STAT4: variants seen among roughly 807,000 people sequenced by gnomAD.
The protein encoded by STAT4 is signal transducer and activator of transcription 4.
A neutral mutation model predicts 110.5 loss-of-function variants in STAT4; 42 were observed. The observed-to-expected ratio is 0.38, with a 90% CI of 0.30 to 0.49. The LOEUF is 0.49. Among genes scored for constraint, STAT4 ranks in the 20% least tolerant of loss-of-function variants. STAT4 has a pLI of 0.95. For synonymous variants in STAT4, 284 were observed against 302.2 expected (o/e 0.94, Z 0.63); for missense variants, 632 against 887.9 (o/e 0.71, Z 3.66).
At chr2:191,072,994 C>T in intron 5 of STAT4, 104 bp downstream of exon 5, 1 of 766,770 alleles carries the variant, frequency 1.3e-6, no homozygotes, top group South Asian at 2.3e-5. Flanking sequence ...AACAAATTGC[C>T]CTATGATTTC....
In STAT4 at chr2:191,099,691, A is replaced by G. The variant is rs1320569194; in HGVS notation, c.274-23366T>C. Among the ~76,000 whole-genome samples the G allele has an allele frequency of 6.6e-6, 1 of 152,156 alleles. No homozygotes were observed. The highest frequency in any genetic ancestry group is 1.5e-5 in the Non-Finnish European group (1 of 67,992). The stretch of plus-strand genomic sequence containing the variant: ...TTTCCATTTTTTTCCATTTTTATTT[A>G]ATTAGGTAAACATAGATACACATAT... On this transcript the variant is annotated intron_variant, in intron 3 of 23. Transcript: ENST00000392320. This position sits in a 1 kb window ranked among gnomAD's most constrained non-coding sequence, Gnocchi z 4.1.
Position 191,031,237 on chromosome 2 carries a change from G to T in STAT4, c.2112-157C>A. On this transcript the variant is annotated intron_variant, in intron 22 of 23. Coordinates refer to ENST00000392320, the MANE Select transcript of STAT4 (RefSeq NM_003151.4). This position sits in a 1 kb window ranked among gnomAD's most constrained non-coding sequence, Gnocchi z 4.8. The stretch of plus-strand genomic sequence containing the variant: ...CATATCAGAACACTCAACTTACTGT[G>T]GCATATATGGCATATAAAAGGGGAA... 1 of 859,624 alleles carries T rather than the reference G, an allele frequency of 1.2e-6. No homozygotes were observed. Among genetic ancestry groups the T allele is most frequent in the Non-Finnish European group, 1.8e-6 (1 of 556,474 alleles). 53.2% of individuals were successfully genotyped at this position (859,624 alleles called of 1,614,324 possible). A position where few individuals can be genotyped will look rare whatever the true frequency, so the allele number is the denominator to read the frequency against.
chr2:191,064,915 A>G lies in STAT4; in HGVS notation c.674T>C (p.Leu225Pro), dbSNP rs994665092. ...KMTQIIHETDLLMNTMLIEEL... is the reference protein window; with the variant it reads ...KMTQIIHETDPLMNTMLIEEL... ...TTCTATGAGCATGGTGTTCATTAAC[A>G]GGTCTGTCTCATGGATGATTTGGGT... The change falls in exon 8 of 24, where the codon CTG becomes CCG. Residue 225 changes from leucine (L) to proline (P), a missense_variant. By Grantham distance (98) the Leu-to-Pro change is moderately conservative. Around this residue, in one of 4 missense-constraint regions of STAT4, gnomAD observed 488 missense variants for 632.8 expected, o/e 0.77. Coordinates refer to ENST00000392320, the MANE Select transcript of STAT4 (RefSeq NM_003151.4). 1.9e-6 allele frequency: 3 copies of G among 1,611,546 alleles called. No individual in the cohort carries two copies. In the African/African-American group the frequency reaches 4.0e-5, roughly 22 times the overall value.
intron 16 of STAT4, among the ~76,000 whole-genome samples, chr2:191,038,207 T>C (rs1266165888): frequency 6.6e-6 from 1 of 152,130 alleles, no homozygotes; most frequent in Non-Finnish European, 1.5e-5. Flanking sequence ...TGGCTGTCCT[T>C]TGCCTTAAAG....
chr2:191,092,747 C>G (rs1458106034), intron 3 of STAT4, among the ~76,000 whole-genome samples: 1 of 152,158 alleles, frequency 6.6e-6, no homozygotes, highest in Non-Finnish European at 1.5e-5. Flanking sequence ...CAGGGCATTG[C>G]CTCACCCAGG....
intron 3 of STAT4, among the ~76,000 whole-genome samples, chr2:191,097,782 A>C (rs1698034712): frequency 6.6e-6 from 1 of 152,220 alleles, no homozygotes; most frequent in Non-Finnish European, 1.5e-5. Flanking sequence ...GATCTAATTA[A>C]ACTACAGGCT....
chr2:191,052,504 A>T (rs1302327013), intron 14 of STAT4, among the ~76,000 whole-genome samples: 1 of 152,252 alleles, frequency 6.6e-6, no homozygotes, highest in African/African-American at 2.4e-5. Flanking sequence ...AGACAGTGTT[A>T]ATAACACAGT....
intron 3 of STAT4, among the ~76,000 whole-genome samples, chr2:191,130,543 T>C (rs1699008533): frequency 6.6e-6 from 1 of 151,684 alleles, no homozygotes; most frequent in Non-Finnish European, 1.5e-5. Context: ...TTTAAATAGA[T>C]AATATATTTG....
At chr2:191,119,961 T>G (rs1698673454) in intron 3 of STAT4, among the ~76,000 whole-genome samples, 1 of 152,188 alleles carries the variant, frequency 6.6e-6, no homozygotes, top group Non-Finnish European at 1.5e-5. Flanking sequence ...ATGGATCACT[T>G]ATTAGCCTTT....
chr2:191,073,121 C>T lies in STAT4; in HGVS notation c.442G>A (p.Ala148Thr). The T allele has an allele frequency of 1.2e-6, 2 of 1,613,900 alleles. No individual in the cohort carries two copies. The highest frequency in any genetic ancestry group is 1.7e-6 in the Non-Finnish European group (2 of 1,179,890). ...ERQRNVEHKV[A>T]AIKNSVQMTE... ...ACCTGCACACTGTTTTTAATGGCAG[C>T]CACTTTGTGCTCCACATTCCTCTGT... Residue 148 changes from alanine to threonine, a missense_variant, in exon 5 of 24, where the codon GCT becomes ACT. By Grantham distance (58) the Ala-to-Thr change is moderately conservative. Coordinates refer to ENST00000392320, the MANE Select transcript of STAT4 (RefSeq NM_003151.4).
chr2:191,089,045 T>C (rs1697714937), intron 3 of STAT4, among the ~76,000 whole-genome samples: 1 of 152,154 alleles, frequency 6.6e-6, no homozygotes, highest in Admixed American at 6.5e-5. Flanking sequence ...ACTTTTTAGA[T>C]ACAACACTAA....
rs1041149569 is a variant in STAT4 at position 191,059,160 on chromosome 2, C to A, written c.1035-391G>T. ...ATTTTATCCTCATATTACAAAAAAG[C>A]ACTTTGTGAGCTTTAATGATAAGTG... On this transcript the variant is annotated intron_variant, in intron 10 of 23. Coordinates refer to ENST00000392320, the MANE Select transcript of STAT4 (RefSeq NM_003151.4). This position sits in a 1 kb window ranked among gnomAD's most constrained non-coding sequence, Gnocchi z 4.7. 1.4e-4 allele frequency among the ~76,000 whole-genome samples: 21 copies of A among 152,018 alleles called. No homozygotes were observed. Among genetic ancestry groups the A allele is most frequent in the Admixed American group, 1.3e-3 (20 of 15,252 alleles).
intron 3 of STAT4, among the ~76,000 whole-genome samples, chr2:191,126,221 T>C (rs1053636395): frequency 1.3e-5 from 2 of 152,226 alleles, no homozygotes; most frequent in Admixed American, 6.5e-5. Flanking sequence ...TATTAAAATA[T>C]GTTAGAGGCC....
At chr2:191,103,871 T>C (rs1327710939) in intron 3 of STAT4, among the ~76,000 whole-genome samples, 1 of 152,186 alleles carries the variant, frequency 6.6e-6, no homozygotes, top group African/African-American at 2.4e-5. Context: ...CTATTTTAAC[T>C]TGAAGGAAAT....
rs1264081287 is a variant in STAT4, at chr2:191,062,734, A to C, written c.941+28T>G. 1 of 1,612,286 alleles carries C rather than the reference A, an allele frequency of 6.2e-7. No homozygotes were observed. ...AGGGTGTTCTTACTTCACAGAATGGAGGATGCCATTGATAGCACTTCACTT... is the reference window on the plus strand; with the variant it reads ...AGGGTGTTCTTACTTCACAGAATGGCGGATGCCATTGATAGCACTTCACTT... On this transcript the variant is annotated intron_variant, in intron 9 of 23. Transcript: ENST00000392320. This position sits in a 1 kb window ranked among gnomAD's most constrained non-coding sequence, Gnocchi z 4.9.
At chr2:191,089,254 T>C (rs1274414497) in intron 3 of STAT4, among the ~76,000 whole-genome samples, 1 of 152,160 alleles carries the variant, frequency 6.6e-6, no homozygotes, top group Non-Finnish European at 1.5e-5. Flanking sequence ...AATACCATAA[T>C]AGATGTCTCA....
chr2:191,064,774 T>C, intron 8 of STAT4, 33 bp downstream of exon 8: 1 of 1,598,294 alleles, frequency 6.3e-7, no homozygotes, highest in Non-Finnish European at 8.5e-7. Flanking sequence ...TTTCCTGTGG[T>C]TTTCACTAGA....
At position 191,031,120 on chromosome 2, in the gene STAT4, A is replaced by C; in HGVS notation, c.2112-40T>G. ...AAGGTCAATATGGACAAGGATTAAA[A>C]AATAATAATAGTTCACGGTGACTTA... On this transcript the variant is annotated intron_variant, in intron 22 of 23. Coordinates refer to ENST00000392320, the MANE Select transcript of STAT4 (RefSeq NM_003151.4). The surrounding 1 kb of genome is among the most constrained non-coding windows in gnomAD (Gnocchi z 4.8). 6.3e-7 allele frequency: 1 copy of C among 1,592,508 alleles called. No individual in the cohort carries two copies. Among genetic ancestry groups the C allele is most frequent in the Non-Finnish European group, 8.6e-7 (1 of 1,160,932 alleles).
intron 3 of STAT4, among the ~76,000 whole-genome samples, chr2:191,080,748 CA>C (rs1697443207): frequency 6.6e-6 from 1 of 152,184 alleles, no homozygotes; most frequent in Non-Finnish European, 1.5e-5. Flanking sequence ...GGTAGATTCT[CA>C]GATGTCTATT....
Sources: gnomAD v4.1 joint callset for allele counts (sites outside exome capture counted in the v4.1 genomes callset) on GRCh38, gnomAD v4.1.1 for gene constraint, gnomAD v4.1.1 regional missense constraint, Gnocchi (gnomAD v3.1) non-coding constraint, MANE v1.5 for transcripts, NCBI Gene and HGNC (gene_info 2026-07-23, HGNC 2026-07-21) for gene names.